HIPK2: variants seen among roughly 807,000 people sequenced by gnomAD.
The protein encoded by HIPK2 is homeodomain-interacting protein kinase 2.
In HIPK2, 27 loss-of-function variants were observed where a neutral mutation model predicts 113.7. That is an observed-to-expected ratio of 0.24 (90% confidence interval 0.17 to 0.33). The LOEUF (loss-of-function observed/expected upper bound fraction) is 0.33, where lower values mean the gene tolerates loss of function less well. HIPK2 is among the 10% of genes least tolerant of loss of function. The pLI is 1.00. For synonymous variants in HIPK2, 631 were observed against 642.2 expected, an observed-to-expected ratio of 0.98 and a Z score of 0.26; for missense variants, 1,257 against 1,588.0, an observed-to-expected ratio of 0.79 and a Z score of 3.54.
At chr7:139,731,962 G>C (rs1795796860) in intron 1 of HIPK2, among the ~76,000 whole-genome samples, 1 of 152,138 alleles carries the variant, frequency 6.6e-6, no homozygotes, top group Non-Finnish European at 1.5e-5. Flanking sequence ...GGAGAGGGAA[G>C]AGCAGGAAGA....
intron 2 of HIPK2, among the ~76,000 whole-genome samples, chr7:139,637,131 C>T (rs1169131644): frequency 3.9e-5 from 6 of 152,256 alleles, no homozygotes; most frequent in Non-Finnish European, 8.8e-5. Flanking sequence ...TCCCCCCTGC[C>T]GCAGCAGTGG....
intron 5 of HIPK2, among the ~76,000 whole-genome samples, chr7:139,627,291 A>C (rs1310530449): frequency 1.4e-5 from 2 of 142,022 alleles, no homozygotes; most frequent in African/African-American, 5.3e-5. Flanking sequence ...ATAAGATACA[A>C]AAAAGTCTAT....
intron 2 of HIPK2, among the ~76,000 whole-genome samples, chr7:139,704,336 T>C (rs1252457531): frequency 2.3e-5 from 2 of 87,900 alleles, no homozygotes; most frequent in African/African-American, 4.6e-5. Context: ...ATACCCAACA[T>C]ACATACCCCA....
At position 139,570,274 on chromosome 7, in the gene HIPK2, C is replaced by T; in HGVS notation, c.*2653G>A. ...AGATGGATTTTCCAGGCTGACCCAG[C>T]TGTGGGGCGGGGGGGGGTCCTCTGG... On this transcript the variant is annotated 3_prime_UTR_variant, in exon 15 of 15. Coordinates refer to ENST00000406875, the MANE Select transcript of HIPK2 (RefSeq NM_022740.5). 1 of 148,070 alleles carries T rather than the reference C, an allele frequency of 6.8e-6. No individual in the cohort carries two copies. Among genetic ancestry groups the T allele is most frequent in the Non-Finnish European group, 1.5e-5 (1 of 67,638 alleles). 9.2% of individuals were successfully genotyped at this position (148,070 alleles called of 1,614,324 possible).
intron 10 of HIPK2, 24 bp downstream of exon 10, chr7:139,604,057 A>T (rs1485224649): frequency 1.2e-6 from 2 of 1,612,874 alleles, no homozygotes; most frequent in Non-Finnish European, 1.7e-6. Context: ...ACACCCACTC[A>T]CCCTAGAGGG....
intron 1 of HIPK2, among the ~76,000 whole-genome samples, chr7:139,768,283 T>C (rs1382770273): frequency 6.6e-6 from 1 of 152,214 alleles, no homozygotes; most frequent in Non-Finnish European, 1.5e-5. Flanking sequence ...GCTGCTCATC[T>C]GGACTGAAAT....
chr7:139,614,219 C>A, intron 8 of HIPK2, 67 bp downstream of exon 8: 1 of 1,272,302 alleles, frequency 7.9e-7, no homozygotes. Flanking sequence ...CAGAAAACTG[C>A]AGGTGCCGGA....
chr7:139,730,621 A>G (rs1795747787), intron 1 of HIPK2, among the ~76,000 whole-genome samples: 1 of 152,130 alleles, frequency 6.6e-6, no homozygotes, highest in Admixed American at 6.5e-5. Flanking sequence ...TTGGCTTCCC[A>G]AAGTGCTAGG....
chr7:139,684,037 T>C (rs1002956135), intron 2 of HIPK2, among the ~76,000 whole-genome samples: 6 of 152,128 alleles, frequency 3.9e-5, no homozygotes, highest in Non-Finnish European at 5.9e-5. Flanking sequence ...TCCAAAAGCA[T>C]GTGCTCACTT....
chr7:139,585,489 G>T (rs144762768), intron 12 of HIPK2, among the ~76,000 whole-genome samples: 325 of 152,322 alleles, frequency 2.1e-3, no homozygotes, highest in Non-Finnish European at 3.1e-3. Context: ...TCTGGTTCAG[G>T]GTGCCTAACC....
intron 2 of HIPK2, among the ~76,000 whole-genome samples, chr7:139,682,844 T>C: frequency 6.6e-6 from 1 of 152,180 alleles, no homozygotes; most frequent in South Asian, 2.1e-4. Context: ...TAGCTGCTCA[T>C]GAGCTGTGTG....
chr7:139,661,372 T>A (rs1286412055), intron 2 of HIPK2, among the ~76,000 whole-genome samples: 2 of 152,226 alleles, frequency 1.3e-5, no homozygotes, highest in Non-Finnish European at 2.9e-5. Flanking sequence ...TAGCTTAGAA[T>A]GCCCTAAGTA....
intron 2 of HIPK2, among the ~76,000 whole-genome samples, chr7:139,687,803 T>C (rs901765725): frequency 6.6e-6 from 1 of 152,236 alleles, no homozygotes; most frequent in African/African-American, 2.4e-5. Flanking sequence ...CAATTCTGGC[T>C]GAAACAGCTT....
chr7:139,668,396 C>A (rs1036428090), intron 2 of HIPK2, among the ~76,000 whole-genome samples: 2 of 151,946 alleles, frequency 1.3e-5, no homozygotes, highest in African/African-American at 4.8e-5. Context: ...CCCATCTCTA[C>A]TAAAAATACA....
intron 2 of HIPK2, among the ~76,000 whole-genome samples, chr7:139,679,831 T>C (rs181237118): frequency 1.3e-5 from 2 of 152,174 alleles, no homozygotes; most frequent in East Asian, 3.9e-4. Context: ...AAACATTGAC[T>C]GGCAAAAGGC....
At chr7:139,744,559 T>C (rs149010869) in intron 1 of HIPK2, among the ~76,000 whole-genome samples, 4 of 152,380 alleles carry the variant, frequency 2.6e-5, no homozygotes, top group Non-Finnish European at 4.4e-5. Flanking sequence ...AAAAGTGAAC[T>C]TTCCGGTATG....
chr7:139,611,148 C>T (rs940614108), intron 9 of HIPK2, among the ~76,000 whole-genome samples: 14 of 152,160 alleles, frequency 9.2e-5, no homozygotes, highest in Non-Finnish European at 1.5e-4. Flanking sequence ...TGGGTTGGTA[C>T]CTGTCAAGTG....
At chr7:139,677,802 T>A (rs1291392274) in intron 2 of HIPK2, among the ~76,000 whole-genome samples, 1 of 152,188 alleles carries the variant, frequency 6.6e-6, no homozygotes, top group African/African-American at 2.4e-5. Flanking sequence ...CACACTGTCT[T>A]CCACAATGGT....
chr7:139,628,960 A>G lies in HIPK2; in HGVS notation c.1427T>C (p.Met476Thr). 6.3e-7 allele frequency: 1 copy of G among 1,593,154 alleles called. No individual in the cohort carries two copies. Among genetic ancestry groups the G allele is most frequent in the Non-Finnish European group, 8.6e-7 (1 of 1,168,024 alleles). The change falls in exon 5 of 15, where the codon ATG becomes ACG. Residue 476 changes from methionine (M) to threonine (T), a missense_variant. Physicochemically the swap from Met to Thr is moderately conservative, Grantham distance 81 (BLOSUM62 -1). Transcript: ENST00000406875. ...CTCACCCATGAAGCTTACCTGGGCC[A>G]TATCATCTAAACAGTTGAAAATGTA... The part of the protein sequence containing the change: ...RKYIFNCLDD[M>T]AQVNMTTDLE...
Sources: allele counts gnomAD v4.1 joint callset (sites outside exome capture counted in the v4.1 genomes callset), GRCh38; gene constraint gnomAD v4.1.1; transcripts MANE v1.5; gene names NCBI Gene and HGNC (gene_info 2026-07-23, HGNC 2026-07-21).